Variants in PPP2R2D observed in about 807,000 individuals in gnomAD.
The protein encoded by PPP2R2D is serine/threonine-protein phosphatase 2A 55 kDa regulatory subunit B delta isoform.
A neutral mutation model predicts 31.1 loss-of-function variants in PPP2R2D; 9 were observed. The ratio of observed to expected loss-of-function variants is 0.29; its 90% confidence interval spans 0.17 to 0.51. PPP2R2D has a LOEUF of 0.51. PPP2R2D is among the 20% of genes least tolerant of loss of function. The pLI is 0.98. For missense variants in PPP2R2D, 391 were observed against 465.6 expected (o/e 0.84, Z 1.48); for synonymous variants, 179 against 172.6 (o/e 1.04, Z -0.29).
intron 8 of PPP2R2D, among the ~76,000 whole-genome samples, chr10:131,949,100 C>T (rs2036595647): frequency 6.6e-6 from 1 of 152,212 alleles, no homozygotes; most frequent in African/African-American, 2.4e-5. Flanking sequence ...GGCTTCTACT[C>T]TGTTTGCAGA....
At chr10:131,921,790 T>G (rs566356203) in intron 2 of PPP2R2D, among the ~76,000 whole-genome samples, 2 of 152,230 alleles carry the variant, frequency 1.3e-5, no homozygotes, top group East Asian at 3.9e-4. Context: ...CTGTCGTTGG[T>G]GGTTATAAAG....
At chr10:131,970,580 C>T in the PPP2R2D span, 1 of 1,579,970 alleles carries the variant, frequency 6.3e-7, no homozygotes, top group Non-Finnish European at 8.6e-7. The surrounding 1 kb of genome is among the most constrained non-coding windows in gnomAD (Gnocchi z 4.1). Context: ...TAAATCACTG[C>T]AACCCAGAAT....
Position 131,944,073 on chromosome 10 carries a change from C to G in PPP2R2D, c.583C>G (p.His195Asp). ...HINSISVNSD[H>D]ETYLSADDLR... is the part of the protein sequence containing the mutation. ...AAATTCCATTTCAGTAAATAGTGAT[C>G]ATGAAACATATCTTTCTGCAGATGA... Residue 195 changes from histidine to aspartate, a missense_variant, in exon 6 of 9, where the codon CAT (histidine) becomes GAT (aspartate). Physicochemically the swap from His to Asp is moderately conservative, Grantham distance 81. Coordinates refer to ENST00000455566, the MANE Select transcript of PPP2R2D (RefSeq NM_018461.5). The G allele has an allele frequency of 1.2e-6, 2 of 1,610,312 alleles. No individual in the cohort carries two copies. Among genetic ancestry groups the G allele is most frequent in the Non-Finnish European group, 1.7e-6 (2 of 1,176,982 alleles).
downstream of PPP2R2D, among the ~76,000 whole-genome samples, chr10:131,963,804 T>C (rs1167848329): frequency 6.6e-6 from 1 of 152,180 alleles, no homozygotes; most frequent in Non-Finnish European, 1.5e-5. Flanking sequence ...GTTTTGGAAA[T>C]CCTGCAGCCT....
intron 2 of PPP2R2D, among the ~76,000 whole-genome samples, chr10:131,902,307 A>T (rs1249870116): frequency 1.3e-5 from 2 of 152,238 alleles, no homozygotes; most frequent in South Asian, 2.1e-4. Flanking sequence ...TCCCTGCCTC[A>T]AGTTACTAAA....
intron 2 of PPP2R2D, among the ~76,000 whole-genome samples, chr10:131,904,924 A>T (rs1039203635): frequency 1.3e-5 from 2 of 151,940 alleles, no homozygotes; most frequent in African/African-American, 2.4e-5. Flanking sequence ...TGGGCTGGGG[A>T]ATCAGAATCA....
At chr10:131,913,892 C>G (rs1395612846) in intron 2 of PPP2R2D, among the ~76,000 whole-genome samples, 1 of 152,202 alleles carries the variant, frequency 6.6e-6, no homozygotes, top group Non-Finnish European at 1.5e-5. Flanking sequence ...CTTATTTTAT[C>G]TGGATCTCCA....
At chr10:131,906,521 C>T (rs2035586395) in intron 2 of PPP2R2D, among the ~76,000 whole-genome samples, 3 of 152,044 alleles carry the variant, frequency 2.0e-5, no homozygotes, top group South Asian at 2.1e-4. Flanking sequence ...ATAGCCTTTC[C>T]AAGGGAGTTT....
chr10:131,935,072 C>G (rs1445608513), intron 3 of PPP2R2D: 5 of 427,638 alleles, frequency 1.2e-5, no homozygotes, highest in African/African-American at 2.0e-5. Flanking sequence ...AGGGAACCTT[C>G]AGAGTGTGGG....
chr10:131,960,246 TTC>T (rs1323543181), downstream of PPP2R2D, among the ~76,000 whole-genome samples: 3 of 152,238 alleles, frequency 2.0e-5, no homozygotes, highest in Admixed American at 6.5e-5. Context: ...CGGAGAAAAC[TTC>T]TCTTTCCTGC....
chr10:131,919,053 T>A (rs1253795183), intron 2 of PPP2R2D, among the ~76,000 whole-genome samples: 1 of 125,274 alleles, frequency 8.0e-6, no homozygotes, highest in African/African-American at 3.1e-5. Flanking sequence ...GATGACACAG[T>A]GTAGGGACCT....
chr10:131,901,177 G>T (rs1275162855), intron 1 of PPP2R2D, 22 bp downstream of exon 1: 1 of 324,042 alleles, frequency 3.1e-6, no homozygotes, highest in Non-Finnish European at 5.6e-6. Context: ...GCGCGGGCCG[G>T]CGGGGACCAC....
At position 131,958,172 on chromosome 10, in the gene PPP2R2D, C is replaced by T. The variant is rs1419277206; in HGVS notation, c.*2209C>T. The T allele has an allele frequency of 5.2e-6, 1 of 190,966 alleles. No individual in the cohort carries two copies. The highest frequency in any genetic ancestry group is 1.1e-5 in the Non-Finnish European group (1 of 93,624). 11.8% of individuals were successfully genotyped at this position (190,966 alleles called of 1,614,324 possible). ...AAGGGGTGTGCTGATCCCCCATGCC[C>T]TGTGGAGATGGAGGTGTGTGCTGAT... is the stretch of plus-strand genomic sequence containing the variant. On this transcript the variant is annotated 3_prime_UTR_variant, in exon 9 of 9. Transcript: ENST00000455566.
chr10:131,947,400 C>G lies in PPP2R2D; in HGVS notation c.821-130C>G, dbSNP rs1469912196. 6.6e-6 allele frequency: 6 copies of G among 909,780 alleles called. No individual in the cohort carries two copies. In the Admixed American group the frequency reaches 1.7e-4, roughly 26 times the overall value. 56.4% of individuals were successfully genotyped at this position (909,780 alleles called of 1,614,324 possible). A position where few individuals can be genotyped will look rare whatever the true frequency, so the allele number is the denominator to read the frequency against. ...AGAAAACCTAGAGAATCAGAAAGAT[C>G]AGAAGACCTAGTGTTGAGGCCAAGC... On this transcript the variant is annotated intron_variant, in intron 7 of 8. Transcript: ENST00000455566. This position sits in a 1 kb window ranked among gnomAD's most constrained non-coding sequence, Gnocchi z 4.3.
chr10:131,907,462 C>T (rs897034934), intron 2 of PPP2R2D, among the ~76,000 whole-genome samples: 5 of 152,084 alleles, frequency 3.3e-5, no homozygotes, highest in African/African-American at 9.7e-5. Context: ...ACAGACTCGC[C>T]GGGCGCAGTG....
chr10:131,932,770 A>C (rs1554895876), intron 2 of PPP2R2D, among the ~76,000 whole-genome samples: 1 of 150,986 alleles, frequency 6.6e-6, no homozygotes, highest in Non-Finnish European at 1.5e-5. Context: ...TTTGATGTTG[A>C]TAATTTAAAC....
intron 2 of PPP2R2D, among the ~76,000 whole-genome samples, chr10:131,928,886 A>G (rs2036155276): frequency 6.6e-6 from 1 of 152,220 alleles, no homozygotes; most frequent in Non-Finnish European, 1.5e-5. Flanking sequence ...CTCTCGGGAC[A>G]AGAAGAGCTG....
At chr10:131,908,720 T>C (rs912616856) in intron 2 of PPP2R2D, among the ~76,000 whole-genome samples, 12 of 152,068 alleles carry the variant, frequency 7.9e-5, no homozygotes, top group East Asian at 1.9e-4. Context: ...TTCCAGAAAA[T>C]GTATGGAAAG....
At chr10:131,936,629 AAAT>A (rs1283899424) in intron 3 of PPP2R2D, among the ~76,000 whole-genome samples, 1 of 152,234 alleles carries the variant, frequency 6.6e-6, no homozygotes, top group Admixed American at 6.5e-5. Flanking sequence ...TGCTTAACCT[AAAT>A]AATAATAGTC....
Sources: gnomAD v4.1 joint callset for allele counts (sites outside exome capture counted in the v4.1 genomes callset) on GRCh38, gnomAD v4.1.1 for gene constraint, Gnocchi (gnomAD v3.1) non-coding constraint, MANE v1.5 for transcripts, NCBI Gene and HGNC (gene_info 2026-07-23, HGNC 2026-07-21) for gene names.